Variants in PTPRD observed in about 807,000 individuals in gnomAD.
The protein encoded by PTPRD is protein tyrosine phosphatase receptor type D.
In PTPRD, 34 loss-of-function variants were observed where a neutral mutation model predicts 214.5. That is an observed-to-expected ratio of 0.16 (90% CI 0.12 to 0.21). The LOEUF is 0.21. PTPRD is among the 10% of genes least tolerant of loss of function. PTPRD has a pLI of 1.00. For missense variants in PTPRD, 2,545 were observed against 2,398.7 expected, an observed-to-expected ratio of 1.06 and a Z score of -1.27; for synonymous variants, 1,128 against 845.7, an observed-to-expected ratio of 1.33 and a Z score of -5.79.
At chr9:10,355,955 G>C (rs941946471) in intron 2 of PTPRD, among the ~76,000 whole-genome samples, 2 of 152,032 alleles carry the variant, frequency 1.3e-5, no homozygotes, top group African/African-American at 4.8e-5. Context: ...TCGTATTAGA[G>C]AGTACACTGA....
chr9:8,762,550 G>A (rs1267227355), intron 11 of PTPRD, among the ~76,000 whole-genome samples: 1 of 152,032 alleles, frequency 6.6e-6, no homozygotes, highest in Non-Finnish European at 1.5e-5. Flanking sequence ...CTGGCACGGA[G>A]GAGAGAAAGC....
intron 12 of PTPRD, among the ~76,000 whole-genome samples, chr9:8,676,579 ATTGT>A (rs1565199745): frequency 3.4e-5 from 5 of 146,684 alleles, no homozygotes; most frequent in Admixed American, 2.0e-4. Context: ...TTTTGTTTTG[ATTGT>A]TTGTTTTTTG....
At chr9:9,962,373 CAACA>C (rs1295339864) in intron 4 of PTPRD, among the ~76,000 whole-genome samples, 3 of 152,020 alleles carry the variant, frequency 2.0e-5, no homozygotes, top group African/African-American at 7.2e-5. Flanking sequence ...AAAGAATTAC[CAACA>C]AACAATTTGA....
chr9:10,099,797 T>G (rs1411016309), intron 3 of PTPRD, among the ~76,000 whole-genome samples: 2 of 151,578 alleles, frequency 1.3e-5, no homozygotes, highest in Non-Finnish European at 3.0e-5. Flanking sequence ...TAAATCCTGA[T>G]TGTTAAAAGA....
Position 10,442,691 on chromosome 9 carries a change from G to C in PTPRD, c.-599-101674C>G, listed in dbSNP as rs185999204. ...TTCATTTGAAAATTTGTAGGTTAGA[G>C]TACATTTACAAGGGGAAAACAAGGC... On this transcript the variant is annotated intron_variant, in intron 2 of 45. Transcript: ENST00000381196. Among the ~76,000 whole-genome samples the C allele has an allele frequency of 8.6e-5, 13 of 151,668 alleles. 1 individual carries two copies. In the East Asian group the frequency reaches 2.1e-3, roughly 25 times the overall value.
At chr9:9,121,930 G>A in intron 10 of PTPRD, among the ~76,000 whole-genome samples, 1 of 152,136 alleles carries the variant, frequency 6.6e-6, no homozygotes, top group Admixed American at 6.5e-5. Flanking sequence ...TCTCTAAAGA[G>A]TTTTGTAGTC....
intron 14 of PTPRD, among the ~76,000 whole-genome samples, chr9:8,619,912 A>G (rs1210386686): frequency 6.6e-6 from 1 of 152,050 alleles, no homozygotes; most frequent in Non-Finnish European, 1.5e-5. Flanking sequence ...AATAAACTTT[A>G]GAGTCAGAAA....
chr9:10,088,088 A>G (rs550446179), intron 3 of PTPRD, among the ~76,000 whole-genome samples: 7 of 151,916 alleles, frequency 4.6e-5, no homozygotes, highest in African/African-American at 1.4e-4. Context: ...GAATTTACTT[A>G]TTCAACTAAT....
chr9:8,786,375 C>G (rs1253793654), intron 11 of PTPRD, among the ~76,000 whole-genome samples: 1 of 144,766 alleles, frequency 6.9e-6, no homozygotes, highest in Non-Finnish European at 1.5e-5. Context: ...TTGTTCCAGG[C>G]AGACAAAAAA....
intron 34 of PTPRD, among the ~76,000 whole-genome samples, chr9:8,442,401 T>C (rs182377645): frequency 4.2e-5 from 6 of 143,484 alleles, no homozygotes; most frequent in East Asian, 1.9e-4. Flanking sequence ...TTCTGCTAAG[T>C]AGAGTTTTTG....
intron 10 of PTPRD, among the ~76,000 whole-genome samples, chr9:9,166,176 T>G (rs1367721144): frequency 6.6e-6 from 1 of 151,620 alleles, no homozygotes; most frequent in Non-Finnish European, 1.5e-5. Context: ...CACTTCTCCA[T>G]CTACCTTACT....
rs539873662 is a variant in PTPRD at position 9,313,414 on chromosome 9, G to T, written c.-203+84035C>A. The stretch of plus-strand genomic sequence containing the variant: ...TTATCTATTGTCTTGAGTTCACCTG[G>T]AAATAAAGAATTAGCGTAAATAAGT... On this transcript the variant is annotated intron_variant, in intron 9 of 45. Transcript: ENST00000381196. Among the ~76,000 whole-genome samples the T allele has an allele frequency of 4.6e-5, 7 of 152,222 alleles. No individual in the cohort carries two copies. The South Asian group carries it at 1.5e-3, about 32-fold the overall frequency.
At chr9:9,899,218 C>T (rs954063250) in intron 5 of PTPRD, among the ~76,000 whole-genome samples, 8 of 151,898 alleles carry the variant, frequency 5.3e-5, no homozygotes, top group Non-Finnish European at 1.2e-4. Flanking sequence ...AACCACAAAA[C>T]AGATGAAAGA....
chr9:8,795,037 T>A (rs1400458372), intron 11 of PTPRD, among the ~76,000 whole-genome samples: 1 of 152,134 alleles, frequency 6.6e-6, no homozygotes, highest in African/African-American at 2.4e-5. Flanking sequence ...TCATAACATC[T>A]CTTAGCCTCA....
chr9:9,425,774 C>A (rs2080638609), intron 8 of PTPRD, among the ~76,000 whole-genome samples: 1 of 152,010 alleles, frequency 6.6e-6, no homozygotes, highest in Non-Finnish European at 1.5e-5. Flanking sequence ...GGAAAATCAG[C>A]ATCTTGAACT....
At chr9:9,546,411 A>T (rs911601760) in intron 8 of PTPRD, among the ~76,000 whole-genome samples, 1 of 151,624 alleles carries the variant, frequency 6.6e-6, no homozygotes, top group Admixed American at 6.6e-5. Context: ...GCACATTCTC[A>T]TGTATTTCTA....
At chr9:9,605,906 A>G (rs911178353) in intron 7 of PTPRD, among the ~76,000 whole-genome samples, 2 of 152,076 alleles carry the variant, frequency 1.3e-5, no homozygotes, top group Non-Finnish European at 2.9e-5. Flanking sequence ...GTAAAGGCCA[A>G]AGTGCAAAAC....
intron 5 of PTPRD, among the ~76,000 whole-genome samples, chr9:9,794,231 A>T (rs891777590): frequency 1.3e-5 from 2 of 150,632 alleles, no homozygotes; most frequent in Non-Finnish European, 3.0e-5. Flanking sequence ...GTACATATAC[A>T]TATATATATA....
chr9:10,058,042 A>G (rs2097691657), intron 3 of PTPRD, among the ~76,000 whole-genome samples: 1 of 152,092 alleles, frequency 6.6e-6, no homozygotes, highest in Admixed American at 6.6e-5. Context: ...AAATGCCAGT[A>G]TACGGGTATG....
Sources: gnomAD v4.1 joint callset for allele counts (sites outside exome capture counted in the v4.1 genomes callset) on GRCh38, gnomAD v4.1.1 for gene constraint, MANE v1.5 for transcripts, NCBI Gene and HGNC (gene_info 2026-07-23, HGNC 2026-07-21) for gene names.